Variants in SNTG1 observed in about 807,000 individuals in gnomAD.
SNTG1 encodes gamma-1-syntrophin.
Under a neutral mutation model 74.7 loss-of-function variants are expected in SNTG1, and 39 were observed. The ratio of observed to expected loss-of-function variants is 0.52; its 90% CI spans 0.40 to 0.68. SNTG1 has a LOEUF of 0.68. Ranked by LOEUF, SNTG1 falls within the 30% of genes least tolerant of loss-of-function variation. SNTG1 has a pLI of 0.00. For synonymous variants in SNTG1, 254 were observed against 217.1 expected, an observed-to-expected ratio of 1.17 and a Z score of -1.49; for missense variants, 685 against 609.5, an observed-to-expected ratio of 1.12 and a Z score of -1.30.
chr8:50,014,142 G>A (rs1252559290), intron 1 of SNTG1, among the ~76,000 whole-genome samples: 1 of 152,082 alleles, frequency 6.6e-6, no homozygotes, highest in Non-Finnish European at 1.5e-5. Flanking sequence ...CAGTGGCACA[G>A]TAGCCAAAGG....
rs1431274364 is a variant in SNTG1, at chr8:50,794,098, T to G, written c.*1269T>G. 1 of 151,672 alleles carries G rather than the reference T, an allele frequency of 6.6e-6. No individual in the cohort carries two copies. Among genetic ancestry groups the G allele is most frequent in the Non-Finnish European group, 1.5e-5 (1 of 67,842 alleles). The allele number at this position is 151,672 out of a possible 1,614,324, so 9.4% of individuals were successfully genotyped here. A position where few individuals can be genotyped will look rare whatever the true frequency, so the allele number is the denominator to read the frequency against. Reference sequence around the variant, plus strand: ...TTCAGTACAGCTTTTTTGAGATATTTTAAAAAGTCAGCTGTGTATGTAAAA... The same window carrying G: ...TTCAGTACAGCTTTTTTGAGATATTGTAAAAAGTCAGCTGTGTATGTAAAA... On this transcript the variant is annotated 3_prime_UTR_variant, in exon 19 of 19. Transcript: ENST00000642720.
chr8:49,935,783 C>T (rs1283384141), intron 1 of SNTG1, among the ~76,000 whole-genome samples: 4 of 152,188 alleles, frequency 2.6e-5, no homozygotes, highest in African/African-American at 9.6e-5. Flanking sequence ...CAAAACCCAA[C>T]ACTGCAATTC....
intron 4 of SNTG1, among the ~76,000 whole-genome samples, chr8:50,415,172 A>G (rs1244852189): frequency 6.6e-6 from 1 of 152,188 alleles, no homozygotes; most frequent in Non-Finnish European, 1.5e-5. Flanking sequence ...TTAAATGCAA[A>G]GGAGTTTCAT....
At position 50,086,080 on chromosome 8, in the gene SNTG1, A is replaced by G. The variant is rs185241009; in HGVS notation, c.-102-86481A>G. ...TTTGGGGTAGCAACCAACTATGTCC[A>G]TACAAGCTTTCATGATTTTCTTGAG... On this transcript the variant is annotated intron_variant, in intron 1 of 18. Coordinates refer to ENST00000642720, the MANE Select transcript of SNTG1 (RefSeq NM_018967.5). Among the ~76,000 whole-genome samples, 215 of 152,322 alleles carry G rather than the reference A, an allele frequency of 1.4e-3. 1 individual carries two copies. The highest frequency in any genetic ancestry group is 5.0e-3 in the African/African-American group (207 of 41,580).
chr8:50,259,384 A>G (rs1035722441), intron 2 of SNTG1, among the ~76,000 whole-genome samples: 2 of 151,858 alleles, frequency 1.3e-5, no homozygotes, highest in Admixed American at 1.3e-4. Flanking sequence ...CTGTAATCCT[A>G]GCTACCCAGG....
intron 2 of SNTG1, among the ~76,000 whole-genome samples, chr8:50,210,437 A>G (rs980216233): frequency 1.3e-5 from 2 of 152,202 alleles, no homozygotes; most frequent in Non-Finnish European, 2.9e-5. Flanking sequence ...CAGATTCACC[A>G]AAGTTGAAAT....
intron 13 of SNTG1, among the ~76,000 whole-genome samples, chr8:50,627,510 G>C (rs1163200078): frequency 2.0e-5 from 3 of 152,118 alleles, no homozygotes; most frequent in Admixed American, 2.0e-4. Context: ...CCAGCCTTTA[G>C]AACTGTGAGG....
chr8:50,193,135 T>A (rs1011240104), intron 2 of SNTG1, among the ~76,000 whole-genome samples: 4 of 151,988 alleles, frequency 2.6e-5, no homozygotes, highest in Non-Finnish European at 4.4e-5. Context: ...TGTGTGGGCT[T>A]GTTTTTGGAT....
intron 1 of SNTG1, among the ~76,000 whole-genome samples, chr8:50,142,770 C>T (rs1485442655): frequency 1.3e-5 from 2 of 151,990 alleles, no homozygotes; most frequent in Non-Finnish European, 2.9e-5. Flanking sequence ...AAAAGCAAGA[C>T]AAATTAAAAA....
chr8:50,652,621 A>T (rs1313452817), intron 13 of SNTG1, among the ~76,000 whole-genome samples: 13 of 152,068 alleles, frequency 8.5e-5, no homozygotes. Flanking sequence ...ACATGGTGAA[A>T]ACCCGCCTCT....
At chr8:50,417,345 GA>G (rs940545426) in intron 4 of SNTG1, among the ~76,000 whole-genome samples, 3 of 152,136 alleles carry the variant, frequency 2.0e-5, no homozygotes, top group Non-Finnish European at 4.4e-5. Context: ...TTATAGGAGA[GA>G]ACTGACTTCT....
At chr8:50,785,651 A>T (rs1007740858) in intron 18 of SNTG1, among the ~76,000 whole-genome samples, 9 of 152,060 alleles carry the variant, frequency 5.9e-5, no homozygotes, top group Admixed American at 2.6e-4. Flanking sequence ...AAAAGGGGAA[A>T]CACTCCTCTA....
chr8:50,790,704 CCTG>C (rs773463150), intron 18 of SNTG1, among the ~76,000 whole-genome samples: 1 of 151,686 alleles, frequency 6.6e-6, no homozygotes, highest in Admixed American at 6.6e-5. Flanking sequence ...CTTCTAATCA[CCTG>C]CTATTATTTC....
rs190627906 is a variant in SNTG1, at chr8:50,309,202, G to A, written c.-27-85010G>A. Reference sequence around the variant, plus strand: ...TTGGTTATTGTTATATATTTGAAAGGGCACCTAGGTTTAAGTTTCTTTCGA... The same window carrying A: ...TTGGTTATTGTTATATATTTGAAAGAGCACCTAGGTTTAAGTTTCTTTCGA... On this transcript the variant is annotated intron_variant, in intron 2 of 18. Transcript: ENST00000642720. Among the ~76,000 whole-genome samples, 42 of 152,192 alleles carry A rather than the reference G, an allele frequency of 2.8e-4. 1 individual carries two copies. Among genetic ancestry groups the A allele is most frequent in the Admixed American group, 7.2e-4 (11 of 15,284 alleles).
chr8:50,630,003 A>G (rs1469847938), intron 13 of SNTG1, among the ~76,000 whole-genome samples: 2 of 152,220 alleles, frequency 1.3e-5, no homozygotes, highest in African/African-American at 4.8e-5. Flanking sequence ...TCAATAGGTA[A>G]ATCAGTGGAT....
At chr8:50,051,835 A>G (rs977021570) in intron 1 of SNTG1, among the ~76,000 whole-genome samples, 2 of 152,096 alleles carry the variant, frequency 1.3e-5, no homozygotes, top group African/African-American at 4.8e-5. Context: ...TAGGACTTCA[A>G]CCTACTTTTT....
chr8:49,999,773 T>G (rs1278999364), intron 1 of SNTG1, among the ~76,000 whole-genome samples: 1 of 152,168 alleles, frequency 6.6e-6, no homozygotes, highest in African/African-American at 2.4e-5. Context: ...GCTTCCTGTT[T>G]CCACCTTCTG....
chr8:50,023,033 A>G (rs1261449959), intron 1 of SNTG1, among the ~76,000 whole-genome samples: 3 of 152,216 alleles, frequency 2.0e-5, no homozygotes, highest in Non-Finnish European at 4.4e-5. Context: ...AATATACGAT[A>G]GGAAAACTAT....
chr8:50,319,585 C>T (rs1193286180), intron 2 of SNTG1, among the ~76,000 whole-genome samples: 1 of 152,100 alleles, frequency 6.6e-6, no homozygotes, highest in Non-Finnish European at 1.5e-5. Flanking sequence ...ATTAATCTAG[C>T]TAATACTTCC....
Sources: allele counts gnomAD v4.1 joint callset (sites outside exome capture counted in the v4.1 genomes callset), GRCh38; gene constraint gnomAD v4.1.1; transcripts MANE v1.5; gene names NCBI Gene and HGNC (gene_info 2026-07-23, HGNC 2026-07-21).